Variants in IQSEC1 observed in about 807,000 individuals in gnomAD.
The protein encoded by IQSEC1 is IQ motif and SEC7 domain-containing protein 1.
In IQSEC1, 31 loss-of-function variants were observed where a neutral mutation model predicts 91.0. The observed-to-expected ratio is 0.34, with a 90% CI of 0.26 to 0.46. IQSEC1 has a LOEUF of 0.46. Among genes scored for constraint, IQSEC1 ranks in the 20% least tolerant of loss-of-function variants. IQSEC1 has a pLI of 1.00. For synonymous variants in IQSEC1, 699 were observed against 662.6 expected, an observed-to-expected ratio of 1.05 and a Z score of -0.84; for missense variants, 1,388 against 1,575.6, an observed-to-expected ratio of 0.88 and a Z score of 2.02.
chr3:13,126,721 A>G (rs913681359), intron 2 of IQSEC1, among the ~76,000 whole-genome samples: 1 of 152,238 alleles, frequency 6.6e-6, no homozygotes, highest in Non-Finnish European at 1.5e-5. Flanking sequence ...CATCCTAATC[A>G]GCATGTAGTA....
chr3:13,190,115 G>C (rs1462841605), intron 1 of IQSEC1, among the ~76,000 whole-genome samples: 1 of 152,190 alleles, frequency 6.6e-6, no homozygotes, highest in East Asian at 1.9e-4. Flanking sequence ...GGACTCCAGT[G>C]TCCAAGGTTC....
intron 2 of IQSEC1, among the ~76,000 whole-genome samples, chr3:13,117,956 C>A (rs1576258111): frequency 6.6e-6 from 1 of 152,190 alleles, no homozygotes; most frequent in East Asian, 1.9e-4. Flanking sequence ...GATCTAGTAT[C>A]CTTATCAGAG....
intron 1 of IQSEC1, chr3:13,015,643 C>T (rs925494269): frequency 1.3e-4 from 125 of 985,088 alleles, no homozygotes; most frequent in East Asian, 6.8e-4. Context: ...TCTGCGGCCC[C>T]GGGGGATGAG....
chr3:13,232,316 C>T (rs1694852084), intron 1 of IQSEC1, among the ~76,000 whole-genome samples: 1 of 152,230 alleles, frequency 6.6e-6, no homozygotes, highest in African/African-American at 2.4e-5. Context: ...GGCACCAACG[C>T]CGAGTGGCTT....
rs187069097 is a variant in IQSEC1, at chr3:12,920,521, G to A, written c.1929C>T (p.Phe643=). ...RNPDTIFILA[F]AIILLNTDMY... ...TGTCGGTGTTCAGCAGGATGATGGC[G>A]AAGGCCAGGATGAAAATGGTGTCTG... is the stretch of plus-strand genomic sequence containing the variant. The change falls in exon 6 of 14, where the codon TTC becomes TTT. Residue 643 remains phenylalanine (F), a synonymous_variant. Coordinates refer to ENST00000613206, the MANE Select transcript of IQSEC1 (RefSeq NM_001134382.3). 8 of 1,614,204 alleles carry A rather than the reference G, an allele frequency of 5.0e-6. No homozygotes were observed. In the East Asian group the frequency reaches 8.9e-5, roughly 18 times the overall value.
At chr3:13,024,776 A>C (rs1291891977) in intron 1 of IQSEC1, among the ~76,000 whole-genome samples, 2 of 152,136 alleles carry the variant, frequency 1.3e-5, no homozygotes, top group Non-Finnish European at 2.9e-5. Context: ...CTCATCGGGG[A>C]CATGTCACAC....
At chr3:13,243,493 G>C (rs1263489296) in intron 1 of IQSEC1, among the ~76,000 whole-genome samples, 1 of 152,198 alleles carries the variant, frequency 6.6e-6, no homozygotes. Flanking sequence ...TCTTCCAGGG[G>C]TGCTCTCTGC....
chr3:13,067,203 G>A (rs1161402668), intron 1 of IQSEC1, among the ~76,000 whole-genome samples: 1 of 152,218 alleles, frequency 6.6e-6, no homozygotes, highest in African/African-American at 2.4e-5. Flanking sequence ...GGAGCCTCCT[G>A]GGGGTAAGAG....
intron 6 of IQSEC1, among the ~76,000 whole-genome samples, chr3:12,919,321 A>C (rs1291099895): frequency 6.6e-6 from 1 of 152,186 alleles, no homozygotes; most frequent in African/African-American, 2.4e-5. Flanking sequence ...CATGAGCTCT[A>C]AGCCACGCCC....
chr3:13,037,034 T>C (rs1450209325), intron 1 of IQSEC1, among the ~76,000 whole-genome samples: 1 of 152,130 alleles, frequency 6.6e-6, no homozygotes, highest in Non-Finnish European at 1.5e-5. Context: ...TGCCTCACCC[T>C]CCACCCCAGG....
At chr3:13,159,675 C>A (rs1034761017) in intron 2 of IQSEC1, among the ~76,000 whole-genome samples, 13 of 152,110 alleles carry the variant, frequency 8.5e-5, no homozygotes, top group African/African-American at 2.4e-4. Flanking sequence ...TACAAGGGTG[C>A]GGGTGGTTGT....
At chr3:13,197,973 C>T (rs1170345381) in intron 1 of IQSEC1, among the ~76,000 whole-genome samples, 1 of 152,200 alleles carries the variant, frequency 6.6e-6, no homozygotes, top group Non-Finnish European at 1.5e-5. Context: ...CAGCGTGCAC[C>T]CGGCCTCCCG....
rs545163008 is a variant in IQSEC1 at position 13,019,798 on chromosome 3, C to T, written c.23+53194G>A. 2.9e-4 allele frequency among the ~76,000 whole-genome samples: 44 copies of T among 152,302 alleles called. 1 individual carries two copies. In the South Asian group the frequency reaches 8.1e-3, roughly 28 times the overall value. On this transcript the variant is annotated intron_variant, in intron 1 of 13. Transcript: ENST00000613206. ...TCTCATTGGTGGTGAGGAGGCCACC[C>T]GCCAGTGCTCGTGACACCCCTGTGA...
At chr3:13,226,569 T>C (rs185483634) in intron 1 of IQSEC1, among the ~76,000 whole-genome samples, 2 of 144,270 alleles carry the variant, frequency 1.4e-5, no homozygotes, top group East Asian at 2.1e-4. Context: ...CTAGGCAGCA[T>C]AGTGAGACCC....
At chr3:13,281,770 C>T (rs1695794065) in intron 1 of IQSEC1, among the ~76,000 whole-genome samples, 1 of 152,246 alleles carries the variant, frequency 6.6e-6, no homozygotes, top group Non-Finnish European at 1.5e-5. Context: ...ACCACGGCCA[C>T]TCCCCCAACC....
At chr3:13,223,932 G>T (rs1694706221) in intron 1 of IQSEC1, among the ~76,000 whole-genome samples, 1 of 152,174 alleles carries the variant, frequency 6.6e-6, no homozygotes, top group Admixed American at 6.5e-5. Context: ...CTTTGGAAGG[G>T]AATGTTGGTC....
At chr3:13,015,545 G>A (rs1411744092) in intron 1 of IQSEC1, 1 of 985,296 alleles carries the variant, frequency 1.0e-6, no homozygotes, top group Non-Finnish European at 1.2e-6. Context: ...GGCTGCTGAG[G>A]TCCCCTCCCC....
At chr3:12,944,918 C>CG (rs2125384013) in intron 1 of IQSEC1, among the ~76,000 whole-genome samples, 1 of 152,320 alleles carries the variant, frequency 6.6e-6, no homozygotes, top group South Asian at 2.1e-4. Context: ...ATGTTCACCT[C>CG]AAGTCTGAAG....
intron 1 of IQSEC1, among the ~76,000 whole-genome samples, chr3:12,974,997 C>T (rs577263883): frequency 6.6e-6 from 1 of 152,382 alleles, no homozygotes; most frequent in South Asian, 2.1e-4. Flanking sequence ...TATCCCAGCC[C>T]CGCTATGTGA....
Sources: allele counts gnomAD v4.1 joint callset (sites outside exome capture counted in the v4.1 genomes callset), GRCh38; gene constraint gnomAD v4.1.1; transcripts MANE v1.5; gene names NCBI Gene and HGNC (gene_info 2026-07-23, HGNC 2026-07-21).